PRRC2C: variants seen among roughly 807,000 people sequenced by gnomAD.
PRRC2C encodes proline rich coiled-coil 2C.
Under a neutral mutation model 317.2 loss-of-function variants are expected in PRRC2C, and 72 were observed. The ratio of observed to expected loss-of-function variants is 0.23; its 90% CI spans 0.19 to 0.28. The LOEUF is 0.28. Among genes scored for constraint, PRRC2C ranks in the 10% least tolerant of loss-of-function variants. The probability of loss-of-function intolerance (pLI) is 1.00; values close to 1 mark genes in which losing one functional copy is unlikely to be tolerated. For synonymous variants in PRRC2C, 1,296 were observed against 1,205.9 expected (o/e 1.07, Z -1.55); for missense variants, 3,074 against 3,459.7 (o/e 0.89, Z 2.80).
At chr1:171,548,659 T>C (rs538526347) in intron 17 of PRRC2C, among the ~76,000 whole-genome samples, 1 of 152,268 alleles carries the variant, frequency 6.6e-6, no homozygotes, top group East Asian at 1.9e-4. Flanking sequence ...CTTGGAAATA[T>C]TATTTGATGG....
intron 24 of PRRC2C, among the ~76,000 whole-genome samples, chr1:171,572,556 C>T (rs1684962005): frequency 6.6e-6 from 1 of 152,176 alleles, no homozygotes; most frequent in African/African-American, 2.4e-5. Flanking sequence ...AGTTTGAGAT[C>T]ATAAAATTTT....
At chr1:171,591,453 A>G (rs1651418947) in intron 34 of PRRC2C, 134 bp from the exon 35 acceptor site, 1 of 927,326 alleles carries the variant, frequency 1.1e-6, no homozygotes, top group African/African-American at 1.7e-5. Context: ...AAGATCAATG[A>G]GGTACTTTTG....
chr1:171,520,215 G>A (rs967216341), intron 6 of PRRC2C, among the ~76,000 whole-genome samples: 2 of 152,070 alleles, frequency 1.3e-5, no homozygotes, highest in South Asian at 2.1e-4. Context: ...CTTCCTCCTC[G>A]GCCTCCCAAA....
chr1:171,575,062 T>C lies in PRRC2C; in HGVS notation c.6889T>C (p.Ser2297Pro), dbSNP rs774038748. 2 of 1,613,926 alleles carry C rather than the reference T, an allele frequency of 1.2e-6. No homozygotes were observed. The highest frequency in any genetic ancestry group is 2.2e-5 in the South Asian group (2 of 91,064). The change falls in exon 25 of 35, where the codon TCG becomes CCG. Residue 2297 changes from serine (S) to proline (P), a missense_variant. This residue lies in a region of PRRC2C where 490 missense variants were observed against 663.1 expected (regional missense o/e 0.74). Transcript: ENST00000647382. Reference protein sequence around the residue: ...ASGPSTANYNSFSSASMPQIP... With the variant: ...ASGPSTANYNPFSSASMPQIP... Reference sequence around the variant, plus strand: ...TGGACCAAGCACTGCTAATTACAATTCGTTCTCAAGTGCATCCATGCCCCA... The same window carrying C: ...TGGACCAAGCACTGCTAATTACAATCCGTTCTCAAGTGCATCCATGCCCCA...
intron 11 of PRRC2C, among the ~76,000 whole-genome samples, chr1:171,530,895 T>C (rs1320013089): frequency 6.6e-6 from 1 of 152,190 alleles, no homozygotes. Context: ...CTTGTAGCTG[T>C]TTATCCAACA....
intron 5 of PRRC2C, among the ~76,000 whole-genome samples, chr1:171,516,370 C>T (rs1023152393): frequency 4.6e-5 from 7 of 152,152 alleles, no homozygotes; most frequent in African/African-American, 1.7e-4. Flanking sequence ...TTCATACTGT[C>T]ATTACCAAGT....
chr1:171,543,214 C>A (rs536204804), intron 16 of PRRC2C, among the ~76,000 whole-genome samples: 8 of 148,614 alleles, frequency 5.4e-5, no homozygotes, highest in African/African-American at 2.0e-4. Context: ...ACTAAAAATA[C>A]AAAAAATTAG....
rs146533445 is a variant in PRRC2C, at chr1:171,528,198, T to G, written c.1254+354T>G. On this transcript the variant is annotated intron_variant, in intron 11 of 34. Coordinates refer to ENST00000647382, the MANE Select transcript of PRRC2C (RefSeq NM_001387844.1). ...ATCTCATATTTTAAGAAAAACAACT[T>G]CACAAAAACCTCTCTCTTTACATTA... is the stretch of plus-strand genomic sequence containing the variant. Among the ~76,000 whole-genome samples the G allele has an allele frequency of 1.3e-4, 20 of 152,210 alleles. No individual in the cohort carries two copies. In the East Asian group the frequency reaches 3.9e-3, roughly 29 times the overall value.
Position 171,524,802 on chromosome 1 carries a change from C to T in PRRC2C, c.1056-19C>T, listed in dbSNP as rs1328426788. 1.3e-6 allele frequency: 2 copies of T among 1,532,930 alleles called. No homozygotes were observed. The highest frequency in any genetic ancestry group is 2.5e-5 in the South Asian group (2 of 79,400). 95.0% of individuals were successfully genotyped at this position (1,532,930 alleles called of 1,614,324 possible). A position where few individuals can be genotyped will look rare whatever the true frequency, so the allele number is the denominator to read the frequency against. Reference sequence around the variant, plus strand: ...ATACAGTTGGTCCACTTTATTTCTTCTGCATTTTGATTTTTCAGTGAGGAT... The same window carrying T: ...ATACAGTTGGTCCACTTTATTTCTTTTGCATTTTGATTTTTCAGTGAGGAT... On this transcript the variant is annotated intron_variant, in intron 9 of 34. Transcript: ENST00000647382.
chr1:171,543,386 A>G (rs1571902243), intron 16 of PRRC2C, among the ~76,000 whole-genome samples: 1 of 151,872 alleles, frequency 6.6e-6, no homozygotes, highest in South Asian at 2.1e-4. Flanking sequence ...TAGTGTTAGC[A>G]TTATAACGTA....
At chr1:171,581,000 A>G (rs999022470) in intron 28 of PRRC2C, among the ~76,000 whole-genome samples, 4 of 152,216 alleles carry the variant, frequency 2.6e-5, no homozygotes, top group East Asian at 1.9e-4. Flanking sequence ...GGTTCAGCTA[A>G]TGAAACTTTC....
At chr1:171,490,144 C>G (rs1666855754) in intron 1 of PRRC2C, among the ~76,000 whole-genome samples, 1 of 152,164 alleles carries the variant, frequency 6.6e-6, no homozygotes, top group African/African-American at 2.4e-5. Flanking sequence ...GTCTCGAACT[C>G]CTGACCTCGT....
Position 171,527,677 on chromosome 1 carries a change from C to G in PRRC2C, c.1201-114C>G, listed in dbSNP as rs1303769637. 5.1e-6 allele frequency: 4 copies of G among 784,354 alleles called. No individual in the cohort carries two copies. In the East Asian group the frequency reaches 1.2e-4, roughly 24 times the overall value. The allele number at this position is 784,354 out of a possible 1,614,324, so 48.6% of individuals were successfully genotyped here. ...AGGCTGAGGCATGAGAATTGCTTGGCCCCGGGAGACAGAGGTTGCAGTGAG... is the reference window on the plus strand; with the variant it reads ...AGGCTGAGGCATGAGAATTGCTTGGGCCCGGGAGACAGAGGTTGCAGTGAG... On this transcript the variant is annotated intron_variant, in intron 10 of 34. Transcript: ENST00000647382.
chr1:171,553,851 G>A (rs919765756), intron 18 of PRRC2C, among the ~76,000 whole-genome samples: 1 of 152,154 alleles, frequency 6.6e-6, no homozygotes, highest in Non-Finnish European at 1.5e-5. Context: ...TGTGATTTCT[G>A]TTCTTTTACA....
At chr1:171,566,879 G>A (rs761093696) in intron 22 of PRRC2C, 36 bp downstream of exon 22, 1 of 1,564,218 alleles carries the variant, frequency 6.4e-7, no homozygotes, top group African/African-American at 1.4e-5. Context: ...TTCAACAGAT[G>A]CAAGCCATGT....
chr1:171,558,012 C>T lies in PRRC2C; in HGVS notation c.5900C>T (p.Thr1967Ile). ...PPSIRLPSAQ[T>I]PNGTDYVASG... ...TCAATTAGGCTGCCTTCAGCTCAAA[C>T]ACCTAATGGCACAGATTATGTAGCC... The change falls in exon 19 of 35, where the codon ACA becomes ATA. Residue 1967 changes from threonine (T) to isoleucine (I), a missense_variant. Coordinates refer to ENST00000647382, the MANE Select transcript of PRRC2C (RefSeq NM_001387844.1). 1 of 1,614,010 alleles carries T rather than the reference C, an allele frequency of 6.2e-7. No individual in the cohort carries two copies. The highest frequency in any genetic ancestry group is 8.5e-7 in the Non-Finnish European group (1 of 1,179,882).
At position 171,489,236 on chromosome 1, in the gene PRRC2C, G is replaced by A. The variant is rs1172145401; in HGVS notation, c.-58+3501G>A. Among the ~76,000 whole-genome samples, 4 of 152,302 alleles carry A rather than the reference G, an allele frequency of 2.6e-5. No individual in the cohort carries two copies. In the South Asian group the frequency reaches 6.2e-4, roughly 24 times the overall value. ...TTTTTTTCCTTTACCTCTAAGAATA[G>A]TATCACAGGTAACCTTCGAAGAGTT... On this transcript the variant is annotated intron_variant, in intron 1 of 34. Coordinates refer to ENST00000647382, the MANE Select transcript of PRRC2C (RefSeq NM_001387844.1).
intron 25 of PRRC2C, among the ~76,000 whole-genome samples, chr1:171,575,518 T>A (rs1685549640): frequency 6.6e-6 from 1 of 152,242 alleles, no homozygotes; most frequent in Non-Finnish European, 1.5e-5. Context: ...ATGGAGAATT[T>A]TCAGCCTCTG....
At chr1:171,512,895 C>T in intron 2 of PRRC2C, 100 bp from the exon 3 acceptor site, 1 of 1,033,640 alleles carries the variant, frequency 9.7e-7, no homozygotes, top group Admixed American at 3.1e-5. Context: ...GAAAATCATT[C>T]AGGGATTGCA....
Sources: allele counts gnomAD v4.1 joint callset (sites outside exome capture counted in the v4.1 genomes callset), GRCh38; gene constraint gnomAD v4.1.1; regional missense constraint gnomAD v4.1.1; transcripts MANE v1.5; gene names NCBI Gene and HGNC (gene_info 2026-07-23, HGNC 2026-07-21).